The following MCTP1 variants were observed in gnomAD, a reference collection of about 807,000 sequenced individuals.
MCTP1 encodes multiple C2 and transmembrane domain-containing protein 1.
MCTP1 carries 69 observed loss-of-function variants against 120.6 expected under a neutral mutation model. That is an observed-to-expected ratio of 0.57 (90% CI 0.47 to 0.70). MCTP1 has a LOEUF of 0.70. Ranked by LOEUF, MCTP1 falls within the 30% of genes least tolerant of loss-of-function variation. The pLI, the probability that MCTP1 is intolerant of heterozygous loss-of-function variation, is 0.00. For missense variants in MCTP1, 1,203 were observed against 1,248.8 expected (o/e 0.96, Z 0.55); for synonymous variants, 529 against 493.1 (o/e 1.07, Z -0.96).
At chr5:95,167,968 C>T (rs372915351) in intron 1 of MCTP1, among the ~76,000 whole-genome samples, 2 of 152,124 alleles carry the variant, frequency 1.3e-5, no homozygotes, top group Admixed American at 6.5e-5. Context: ...GAAGTCCTTG[C>T]CCATGCCTAT....
intron 9 of MCTP1, 77 bp from the exon 10 acceptor site, chr5:94,909,458 CT>C (rs1807872487): frequency 7.0e-7 from 1 of 1,437,940 alleles, no homozygotes; most frequent in South Asian, 1.3e-5. Flanking sequence ...CTAAATCAAA[CT>C]TTTGGTACTA....
In MCTP1 at chr5:95,040,264, T is replaced by C. The variant is rs572265641; in HGVS notation, c.721-22780A>G. Among the ~76,000 whole-genome samples, 19 of 152,092 alleles carry C rather than the reference T, an allele frequency of 1.2e-4. No homozygotes were observed. The South Asian group carries it at 3.9e-3, about 32-fold the overall frequency. On this transcript the variant is annotated intron_variant, in intron 1 of 22. Coordinates refer to ENST00000515393, the MANE Select transcript of MCTP1 (RefSeq NM_024717.7). Reference sequence around the variant, plus strand: ...AAGCCTGGCCAACATGGTGAAACCCTGTCTCTACTAAATATACAAAAAAAT... The same window carrying C: ...AAGCCTGGCCAACATGGTGAAACCCCGTCTCTACTAAATATACAAAAAAAT...
chr5:95,047,261 A>T (rs1048428830), intron 1 of MCTP1, among the ~76,000 whole-genome samples: 2 of 152,134 alleles, frequency 1.3e-5, no homozygotes, highest in African/African-American at 4.8e-5. Context: ...CTATGGCCTT[A>T]GTGACATCTG....
intron 17 of MCTP1, among the ~76,000 whole-genome samples, chr5:94,809,913 C>T (rs745404039): frequency 2.0e-5 from 3 of 152,070 alleles, no homozygotes; most frequent in Admixed American, 1.3e-4. Context: ...CTCACTAATG[C>T]TAGGTAACTA....
At chr5:95,088,394 G>T (rs1359188927) in intron 1 of MCTP1, among the ~76,000 whole-genome samples, 1 of 152,212 alleles carries the variant, frequency 6.6e-6, no homozygotes, top group African/African-American at 2.4e-5. Context: ...AAGGAAAAGG[G>T]CAGAGAACTC....
At position 94,953,257 on chromosome 5, in the gene MCTP1, T is replaced by C. The variant is rs371246790; in HGVS notation, c.943A>G (p.Ile315Val). The change falls in exon 3 of 23, where the codon ATT (isoleucine) becomes GTT (valine). Residue 315 changes from isoleucine (I) to valine (V), a missense_variant. Transcript: ENST00000515393. ...GGCTCCCTAAGATGATCAACCAGAA[T>C]ACAAGCTTTTTCTTCCCACACAGGG... ...LNPVWEEKACILVDHLREPLY... is the reference protein window; with the variant it reads ...LNPVWEEKACVLVDHLREPLY... The C allele has an allele frequency of 5.6e-6, 9 of 1,612,888 alleles. No homozygotes were observed. Among genetic ancestry groups the C allele is most frequent in the Non-Finnish European group, 6.8e-6 (8 of 1,179,512 alleles).
intron 2 of MCTP1, among the ~76,000 whole-genome samples, chr5:94,954,125 A>T (rs1459680580): frequency 4.1e-5 from 3 of 72,968 alleles, no homozygotes; most frequent in South Asian, 3.8e-4. Flanking sequence ...TATATATACA[A>T]ATATATATAT....
At position 95,273,280 on chromosome 5, in the gene MCTP1, T is replaced by C. The variant is rs117708326; in HGVS notation, c.720+10576A>G. Among the ~76,000 whole-genome samples the C allele has an allele frequency of 3.3e-5, 5 of 152,380 alleles. No homozygotes were observed. The East Asian group carries it at 7.7e-4, about 23-fold the overall frequency. On this transcript the variant is annotated intron_variant, in intron 1 of 22. Coordinates refer to ENST00000515393, the MANE Select transcript of MCTP1 (RefSeq NM_024717.7). ...ATTTCAATATAAGAACAGGAATGGA[T>C]AGAATATCATTTCTATTTTGAGAGA...
intron 1 of MCTP1, among the ~76,000 whole-genome samples, chr5:95,211,101 C>CTTAACA (rs1288498651): frequency 6.6e-6 from 1 of 152,012 alleles, no homozygotes; most frequent in Non-Finnish European, 1.5e-5. Context: ...TCTGGCTGCC[C>CTTAACA]TTAACATTTT....
chr5:95,036,382 AG>A (rs1354388580), intron 1 of MCTP1, among the ~76,000 whole-genome samples: 3 of 152,196 alleles, frequency 2.0e-5, no homozygotes, highest in Non-Finnish European at 4.4e-5. Flanking sequence ...ATTTTGCTGA[AG>A]AATCCTTCTA....
chr5:95,025,168 G>A (rs767168428), intron 1 of MCTP1, among the ~76,000 whole-genome samples: 1 of 152,114 alleles, frequency 6.6e-6, no homozygotes. Context: ...TTTCAAAATC[G>A]ATTACAAAGT....
chr5:94,866,779 A>G (rs1796900958), intron 17 of MCTP1, among the ~76,000 whole-genome samples: 1 of 151,574 alleles, frequency 6.6e-6, no homozygotes, highest in Non-Finnish European at 1.5e-5. Context: ...GGAAATTGCA[A>G]AAAAAAGGCT....
intron 1 of MCTP1, among the ~76,000 whole-genome samples, chr5:95,159,431 T>C (rs1745476941): frequency 6.6e-6 from 1 of 152,196 alleles, no homozygotes; most frequent in South Asian, 2.1e-4. Flanking sequence ...ATATCAGTTA[T>C]ACTATCACTA....
At chr5:94,934,992 T>C (rs1252059632) in intron 5 of MCTP1, among the ~76,000 whole-genome samples, 1 of 151,936 alleles carries the variant, frequency 6.6e-6, no homozygotes, top group Non-Finnish European at 1.5e-5. Flanking sequence ...GACACACATA[T>C]ATGCACTACA....
chr5:94,942,680 T>C (rs1818019166), intron 3 of MCTP1, among the ~76,000 whole-genome samples: 1 of 152,042 alleles, frequency 6.6e-6, no homozygotes, highest in South Asian at 2.1e-4. Flanking sequence ...TGTAACATAA[T>C]CAAATAAAAT....
At chr5:94,767,678 T>C (rs1431520277) in intron 19 of MCTP1, among the ~76,000 whole-genome samples, 2 of 151,658 alleles carry the variant, frequency 1.3e-5, no homozygotes, top group African/African-American at 4.8e-5. Flanking sequence ...TACAAAAAAA[T>C]AAAATACCTA....
chr5:94,820,978 C>A (rs975094134), intron 17 of MCTP1, among the ~76,000 whole-genome samples: 19 of 152,138 alleles, frequency 1.2e-4, no homozygotes, highest in Non-Finnish European at 2.2e-4. Flanking sequence ...GGGTTAATAT[C>A]TCTTTTCCAG....
At chr5:94,908,213 T>G (rs1433463435) in intron 10 of MCTP1, among the ~76,000 whole-genome samples, 1 of 152,074 alleles carries the variant, frequency 6.6e-6, no homozygotes, top group African/African-American at 2.4e-5. Context: ...AATAAAGGCC[T>G]GTGCTTTAAA....
intron 1 of MCTP1, among the ~76,000 whole-genome samples, chr5:95,202,321 T>C (rs998933967): frequency 6.6e-6 from 1 of 152,202 alleles, no homozygotes; most frequent in Admixed American, 6.5e-5. Flanking sequence ...CTTTTGGCCT[T>C]AGGCTGAGAG....
Sources: gnomAD v4.1 joint callset for allele counts (sites outside exome capture counted in the v4.1 genomes callset) on GRCh38, gnomAD v4.1.1 for gene constraint, MANE v1.5 for transcripts, NCBI Gene and HGNC (gene_info 2026-07-23, HGNC 2026-07-21) for gene names.